Variants in IGFL2 observed in about 807,000 individuals in gnomAD.
The protein encoded by IGFL2 is insulin growth factor-like family member 2.
IGFL2 carries 7 observed loss-of-function variants against 13.9 expected under a neutral mutation model. The ratio of observed to expected loss-of-function variants is 0.51; its 90% CI spans 0.29 to 0.95. IGFL2 has a LOEUF of 0.95. Among genes scored for constraint, IGFL2 ranks in the 40% least tolerant of loss-of-function variants. The probability of loss-of-function intolerance (pLI) is 0.08; values close to 1 mark genes in which losing one functional copy is unlikely to be tolerated. For synonymous variants in IGFL2, 55 were observed against 55.8 expected, an observed-to-expected ratio of 0.99 and a Z score of 0.07; for missense variants, 138 against 147.8, an observed-to-expected ratio of 0.93 and a Z score of 0.34.
chr19:46,099,749 A>G, the IGFL2 span, among the ~76,000 whole-genome samples: 1 of 151,764 alleles, frequency 6.6e-6, no homozygotes, highest in African/African-American at 2.4e-5. Context: ...GCTGGTCTTG[A>G]ACTCCTGACC....
the IGFL2 span, among the ~76,000 whole-genome samples, chr19:46,199,718 C>T: frequency 5.9e-5 from 9 of 152,336 alleles, no homozygotes; most frequent in East Asian, 5.8e-4. Context: ...CTCCCACCAG[C>T]GTCTAGGCCT....
chr19:46,095,668 T>G, the IGFL2 span, among the ~76,000 whole-genome samples: 1 of 152,212 alleles, frequency 6.6e-6, no homozygotes, highest in African/African-American at 2.4e-5. Flanking sequence ...GGTTTCACAC[T>G]TAAGTCTCGA....
the IGFL2 span, among the ~76,000 whole-genome samples, chr19:46,194,286 T>C: frequency 6.6e-6 from 1 of 152,054 alleles, no homozygotes; most frequent in African/African-American, 2.4e-5. Flanking sequence ...GACTCCACGG[T>C]CTGCAAGGGC....
the IGFL2 span, among the ~76,000 whole-genome samples, chr19:46,186,992 T>A: frequency 6.6e-6 from 1 of 152,220 alleles, no homozygotes; most frequent in African/African-American, 2.4e-5. Context: ...TGTAAAGTAT[T>A]TCACAGTGGG....
At chr19:46,188,314 G>A in the IGFL2 span, among the ~76,000 whole-genome samples, 1 of 152,186 alleles carries the variant, frequency 6.6e-6, no homozygotes, top group East Asian at 1.9e-4. Flanking sequence ...CCATTTATTT[G>A]TTTTGTGGTG....
chr19:46,201,603 C>T, the IGFL2 span, among the ~76,000 whole-genome samples: 10 of 152,054 alleles, frequency 6.6e-5, no homozygotes, highest in East Asian at 1.9e-4. Context: ...GCACATGGCC[C>T]GCTATTATGT....
At chr19:46,128,987 G>A in the IGFL2 span, among the ~76,000 whole-genome samples, 129 of 152,194 alleles carry the variant, frequency 8.5e-4, no homozygotes, top group Admixed American at 2.4e-3. Flanking sequence ...AAATTTTTTG[G>A]TTGGTAGGCT....
chr19:46,078,942 T>C, the IGFL2 span, among the ~76,000 whole-genome samples: 1 of 2 alleles, frequency 0.5, no homozygotes, highest in Non-Finnish European at 0.5. Flanking sequence ...GCGTCGTCAG[T>C]AGACATCGCG....
At chr19:46,206,451 T>C in the IGFL2 span, among the ~76,000 whole-genome samples, 3 of 152,168 alleles carry the variant, frequency 2.0e-5, no homozygotes, top group East Asian at 1.9e-4. Flanking sequence ...CACCTAGAAC[T>C]GACACTGTGA....
chr19:46,155,536 A>T (rs961079680), intron 1 of IGFL2, among the ~76,000 whole-genome samples: 5 of 152,086 alleles, frequency 3.3e-5, no homozygotes, highest in Non-Finnish European at 7.4e-5. Context: ...TTGTTTTTAT[A>T]AAAAAAATAA....
chr19:46,150,271 A>G (rs1485384891), intron 1 of IGFL2, among the ~76,000 whole-genome samples: 2 of 152,100 alleles, frequency 1.3e-5, no homozygotes, highest in Non-Finnish European at 2.9e-5. Context: ...TATGCTGGAT[A>G]CTCATCCCTT....
the IGFL2 span, chr19:46,207,539 G>A: frequency 6.6e-6 from 1 of 152,070 alleles, no homozygotes; most frequent in Non-Finnish European, 1.5e-5. Flanking sequence ...CCACCAGCAT[G>A]CCCAGCTAAT....
At chr19:46,191,621 G>A in the IGFL2 span, among the ~76,000 whole-genome samples, 2 of 152,098 alleles carry the variant, frequency 1.3e-5, no homozygotes, top group African/African-American at 2.4e-5. Context: ...AGAGACATGA[G>A]GGCCCTTTTC....
At chr19:46,136,887 G>A in the IGFL2 span, 1 of 783,180 alleles carries the variant, frequency 1.3e-6, no homozygotes, top group Non-Finnish European at 2.3e-6. Flanking sequence ...CTGTGTATTG[G>A]TACTTGGTCT....
At chr19:46,185,249 C>A in the IGFL2 span, among the ~76,000 whole-genome samples, 1 of 152,216 alleles carries the variant, frequency 6.6e-6, no homozygotes, top group Admixed American at 6.5e-5. Context: ...CCCCCTCCCT[C>A]TCAGTTCCTC....
chr19:46,180,248 A>G, the IGFL2 span, among the ~76,000 whole-genome samples: 18,881 of 148,196 alleles, frequency 0.13, 1,996 homozygotes, highest in African/African-American at 0.29. Flanking sequence ...GCACGATCTC[A>G]GCTCACTGCA....
chr19:46,097,439 T>C, the IGFL2 span, among the ~76,000 whole-genome samples: 1 of 152,302 alleles, frequency 6.6e-6, no homozygotes, highest in Middle Eastern at 3.4e-3. Context: ...TCTATTGATT[T>C]TATTAATTTC....
chr19:46,117,796 T>A, the IGFL2 span, among the ~76,000 whole-genome samples: 2 of 152,202 alleles, frequency 1.3e-5, no homozygotes, highest in Non-Finnish European at 2.9e-5. Context: ...TGTTCATTTT[T>A]AAAATGAATC....
At chr19:46,095,145 C>T in the IGFL2 span, among the ~76,000 whole-genome samples, 1 of 152,238 alleles carries the variant, frequency 6.6e-6, no homozygotes, top group Non-Finnish European at 1.5e-5. Context: ...TTCCCACCAA[C>T]AGTATAAAAG....
Sources: allele counts gnomAD v4.1 joint callset (sites outside exome capture counted in the v4.1 genomes callset), GRCh38; gene constraint gnomAD v4.1.1; transcripts MANE v1.5; gene names NCBI Gene and HGNC (gene_info 2026-07-23, HGNC 2026-07-21).